Variants in ADSS1 observed in about 807,000 individuals in gnomAD.
ADSS1 encodes adenylosuccinate synthetase isozyme 1.
A neutral mutation model predicts 59.1 loss-of-function variants in ADSS1; 57 were observed. The ratio of observed to expected loss-of-function variants is 0.97; its 90% CI spans 0.78 to 1.20. The LOEUF (loss-of-function observed/expected upper bound fraction) is 1.20. Among genes scored for constraint, ADSS1 ranks in the 50% most tolerant of loss-of-function variants. ADSS1 has a pLI of 0.00. For synonymous variants in ADSS1, 247 were observed against 249.4 expected, an observed-to-expected ratio of 0.99 and a Z score of 0.09; for missense variants, 603 against 610.3, an observed-to-expected ratio of 0.99 and a Z score of 0.13.
chr14:104,726,249 G>C (rs1246670382), intron 1 of ADSS1, among the ~76,000 whole-genome samples: 1 of 152,250 alleles, frequency 6.6e-6, no homozygotes, highest in East Asian at 1.9e-4. Context: ...TCCTTCACAG[G>C]GGAACAGAGG....
chr14:104,734,892 C>G, intron 1 of ADSS1, 128 bp from the exon 2 acceptor site: 1 of 748,770 alleles, frequency 1.3e-6, no homozygotes, highest in Non-Finnish European at 2.3e-6. Context: ...AGCTGGCCAC[C>G]AAACCAGACA....
chr14:104,725,776 T>C (rs1890702445), intron 1 of ADSS1, among the ~76,000 whole-genome samples: 1 of 152,140 alleles, frequency 6.6e-6, no homozygotes, highest in Non-Finnish European at 1.5e-5. Flanking sequence ...GCCCTCAGCG[T>C]GGGGCAGCCC....
In ADSS1 at chr14:104,741,708, A is replaced by G. The variant is rs1891364365; in HGVS notation, c.794-140A>G. The G allele has an allele frequency of 4.0e-6, 4 of 1,009,846 alleles. No homozygotes were observed. The South Asian group carries it at 6.4e-5, about 16-fold the overall frequency. 62.6% of individuals were successfully genotyped at this position (1,009,846 alleles called of 1,614,324 possible). A position where few individuals can be genotyped will look rare whatever the true frequency, so the allele number is the denominator to read the frequency against. On this transcript the variant is annotated intron_variant, in intron 8 of 12. Coordinates refer to ENST00000330877, the MANE Select transcript of ADSS1 (RefSeq NM_152328.5). ...ACCCATTCGGCCACTCCACCAGGAC[A>G]GGCCAGGCTGGCGACCCCACGGAGG...
intron 2 of ADSS1, 81 bp downstream of exon 2, chr14:104,735,203 G>A: frequency 7.7e-7 from 1 of 1,304,804 alleles, no homozygotes; most frequent in Admixed American, 2.0e-5. Flanking sequence ...GGGGGCACGG[G>A]GCACCAGAGC....
chr14:104,743,718 C>T (rs1284746858), intron 10 of ADSS1, among the ~76,000 whole-genome samples: 1 of 152,248 alleles, frequency 6.6e-6, no homozygotes. Context: ...GCACATCTTT[C>T]ACCAGGGTTG....
chr14:104,743,908 G>A (rs1891464507), intron 10 of ADSS1, among the ~76,000 whole-genome samples: 2 of 152,236 alleles, frequency 1.3e-5, no homozygotes, highest in Non-Finnish European at 2.9e-5. Flanking sequence ...ACGTGCTAGG[G>A]CCAGCATGGA....
rs1326804148 is a variant in ADSS1 at position 104,735,114 on chromosome 14, C to A, written c.287C>A (p.Ser96Tyr). Residue 96 changes from serine to tyrosine, a missense_variant, in exon 2 of 13, where the codon TCC becomes TAC. Transcript: ENST00000330877. ...PSGIINTKAVSFIGNGVVIHL... is the reference protein window; with the variant it reads ...PSGIINTKAVYFIGNGVVIHL... ...GGCATCATCAACACCAAGGCCGTGT[C>A]CTTCATTGGTGAGTGCCCTGCCCCG... 5 of 1,609,580 alleles carry A rather than the reference C, an allele frequency of 3.1e-6. No homozygotes were observed. Among genetic ancestry groups the A allele is most frequent in the Non-Finnish European group, 4.2e-6 (5 of 1,177,400 alleles).
chr14:104,730,002 C>A, intron 1 of ADSS1: 1 of 1,595,558 alleles, frequency 6.3e-7, no homozygotes, highest in African/African-American at 1.3e-5. Flanking sequence ...ACAGCCCTCC[C>A]CTGGCTGCCT....
intron 10 of ADSS1, among the ~76,000 whole-genome samples, chr14:104,743,764 AC>A (rs1414569192): frequency 6.6e-6 from 1 of 152,154 alleles, no homozygotes; most frequent in Admixed American, 6.5e-5. Context: ...AATTAACCAG[AC>A]CCCTGCTAGG....
intron 1 of ADSS1, chr14:104,730,101 T>TGACGCTGGGAGAGGAGAGGGCTTGGA: frequency 6.4e-7 from 1 of 1,550,854 alleles, no homozygotes; most frequent in East Asian, 2.4e-5. Flanking sequence ...CCAACTAGGG[T>TGACGCTGGGAGAGGAGAGGGCTTGGA]GACGCTGGGA....
At chr14:104,728,215 C>A (rs1595193618) in intron 1 of ADSS1, among the ~76,000 whole-genome samples, 1 of 152,150 alleles carries the variant, frequency 6.6e-6, no homozygotes, top group Non-Finnish European at 1.5e-5. Context: ...CACCAGAGAC[C>A]TTCTGGGAGT....
rs781507591 is a variant in ADSS1, at chr14:104,730,081, C to T, written c.193-4939C>T. On this transcript the variant is annotated intron_variant, in intron 1 of 12. Transcript: ENST00000330877. ...AGCCCACCCCTCACCTTCCCAGTGCCTGTGGAGGCCCAACTAGGGTGACGC... is the reference window on the plus strand; with the variant it reads ...AGCCCACCCCTCACCTTCCCAGTGCTTGTGGAGGCCCAACTAGGGTGACGC... The T allele has an allele frequency of 1.1e-4, 170 of 1,557,750 alleles. 1 individual carries two copies. The South Asian group carries it at 1.8e-3, about 17-fold the overall frequency.
Position 104,747,024 on chromosome 14 carries a change from A to C in ADSS1, c.*21A>C. On this transcript the variant is annotated 3_prime_UTR_variant, in exon 13 of 13. Transcript: ENST00000330877. Reference sequence around the variant, plus strand: ...TTTAGTCACAGACTGAGCTGATCCCAACAGGCCCTGGCAGCGTCTGGACTT... The same window carrying C: ...TTTAGTCACAGACTGAGCTGATCCCCACAGGCCCTGGCAGCGTCTGGACTT... 6.2e-7 allele frequency: 1 copy of C among 1,608,068 alleles called. No individual in the cohort carries two copies. Among genetic ancestry groups the C allele is most frequent in the East Asian group, 2.2e-5 (1 of 44,742 alleles).
At chr14:104,727,343 G>A (rs575760826) in intron 1 of ADSS1, among the ~76,000 whole-genome samples, 12 of 151,726 alleles carry the variant, frequency 7.9e-5, no homozygotes, top group African/African-American at 1.9e-4. Flanking sequence ...CTCACACCTC[G>A]GCTGTCTTTC....
rs1187889736 is a variant in ADSS1 at position 104,735,004 on chromosome 14, C to T, written c.193-16C>T. On this transcript the variant is annotated splice_polypyrimidine_tract_variant and intron_variant, in intron 1 of 12. Transcript: ENST00000330877. ...AGTACCCAAGTGCCTTCAGCTCAGC[C>T]GGGTTTCTGTTCCAGGGGGGCAACA... 19 of 1,609,960 alleles carry T rather than the reference C, an allele frequency of 1.2e-5. No individual in the cohort carries two copies. In the Middle Eastern group the frequency reaches 6.6e-4, roughly 56 times the overall value.
At chr14:104,729,539 G>T (rs868096395) in intron 1 of ADSS1, among the ~76,000 whole-genome samples, 1 of 102,078 alleles carries the variant, frequency 9.8e-6, no homozygotes. Flanking sequence ...GGCGTCGTGG[G>T]GAGGAGCGTG....
At chr14:104,728,761 G>C (rs77774392) in intron 1 of ADSS1, among the ~76,000 whole-genome samples, 6 of 152,226 alleles carry the variant, frequency 3.9e-5, no homozygotes, top group Non-Finnish European at 1.5e-5. Context: ...ACTGCCTGGC[G>C]TGAGCTCGCT....
At chr14:104,727,214 T>C (rs1890740454) in intron 1 of ADSS1, among the ~76,000 whole-genome samples, 1 of 152,130 alleles carries the variant, frequency 6.6e-6, no homozygotes, top group Non-Finnish European at 1.5e-5. Flanking sequence ...CCTGAGAGTG[T>C]CGTCACCTCC....
intron 9 of ADSS1, 145 bp downstream of exon 9, chr14:104,742,147 G>T (rs899003176): frequency 1.6e-6 from 2 of 1,251,242 alleles, no homozygotes; most frequent in African/African-American, 3.0e-5. Context: ...GCTTCCTGCC[G>T]TGCAGGCCAG....
Sources: gnomAD v4.1 joint callset for allele counts (sites outside exome capture counted in the v4.1 genomes callset) on GRCh38, gnomAD v4.1.1 for gene constraint, MANE v1.5 for transcripts, NCBI Gene and HGNC (gene_info 2026-07-23, HGNC 2026-07-21) for gene names.